The following HCN1 variants were observed in gnomAD, a reference collection of about 807,000 sequenced individuals.
HCN1 encodes hyperpolarization activated cyclic nucleotide gated potassium channel 1, also known as potassium/sodium hyperpolarization-activated cyclic nucleotide-gated channel 1.
HCN1 carries 13 observed loss-of-function variants against 78.9 expected under a neutral mutation model. That is an observed-to-expected ratio of 0.16 (90% CI 0.11 to 0.26). The LOEUF (loss-of-function observed/expected upper bound fraction) is 0.26, where lower values mean the gene tolerates loss of function less well. HCN1 is among the 10% of genes least tolerant of loss of function. The pLI is 1.00. For synonymous variants in HCN1, 552 were observed against 455.5 expected (o/e 1.21, Z -2.70); for missense variants, 810 against 1,154.3 (o/e 0.70, Z 4.32).
At chr5:45,690,645 GAAGAA>G (rs1739892027) in intron 1 of HCN1, among the ~76,000 whole-genome samples, 1 of 151,884 alleles carries the variant, frequency 6.6e-6, no homozygotes, top group South Asian at 2.1e-4. Context: ...ATTATTTTTA[GAAGAA>G]AAGTACTTAG....
intron 2 of HCN1, among the ~76,000 whole-genome samples, chr5:45,502,197 G>A (rs548209263): frequency 1.2e-3 from 187 of 151,992 alleles, no homozygotes; most frequent in African/African-American, 4.2e-3. Context: ...GCCGGGTGTC[G>A]TGGCTCACAT....
intron 5 of HCN1, among the ~76,000 whole-genome samples, chr5:45,304,057 A>G (rs1745678861): frequency 6.6e-6 from 1 of 152,138 alleles, no homozygotes; most frequent in Non-Finnish European, 1.5e-5. Flanking sequence ...TAGTATAGGA[A>G]TGTATTAAAT....
chr5:45,695,863 C>A lies in HCN1; in HGVS notation c.231G>T (p.Pro77=), dbSNP rs778391842. 3.8e-6 allele frequency: 6 copies of A among 1,580,774 alleles called. No individual in the cohort carries two copies. The highest frequency in any genetic ancestry group is 5.1e-6 in the Non-Finnish European group (6 of 1,169,790). The stretch of plus-strand genomic sequence containing the variant: ...CCTCGGCGTCTTCGAAGCCCCCCGC[C>A]GGCTCCTCGCCGCCGCCGCCGCCGC... ...GGGGGGGGEE[P]AGGFEDAEGP... The change falls in exon 1 of 8, where the codon CCG becomes CCT. Residue 77 remains proline, a synonymous_variant. Transcript: ENST00000303230.
At chr5:45,472,362 T>C (rs1026292679) in intron 2 of HCN1, among the ~76,000 whole-genome samples, 4 of 152,032 alleles carry the variant, frequency 2.6e-5, no homozygotes, top group African/African-American at 9.6e-5. Flanking sequence ...AAGTGTTTAA[T>C]GCATTGCTAT....
intron 4 of HCN1, among the ~76,000 whole-genome samples, chr5:45,383,783 T>C (rs1210263016): frequency 1.3e-5 from 2 of 151,982 alleles, no homozygotes; most frequent in East Asian, 3.9e-4. Context: ...CAAAAATAAC[T>C]TGGGTTATTT....
At chr5:45,443,986 A>G (rs1244517452) in intron 3 of HCN1, among the ~76,000 whole-genome samples, 1 of 152,166 alleles carries the variant, frequency 6.6e-6, no homozygotes, top group Admixed American at 6.5e-5. Context: ...CAAAGCAGCT[A>G]CACATAAGAA....
intron 2 of HCN1, among the ~76,000 whole-genome samples, chr5:45,550,207 T>C (rs905039126): frequency 1.3e-5 from 2 of 152,208 alleles, no homozygotes; most frequent in Admixed American, 6.5e-5. Flanking sequence ...CGTATGTTTA[T>C]TGCGGCACTA....
In HCN1 at chr5:45,356,115, C is replaced by T. The variant is rs78362015; in HGVS notation, c.1231-2869G>A. Among the ~76,000 whole-genome samples the T allele has an allele frequency of 4.8e-3, 736 of 152,014 alleles. 3 individuals are homozygous for T. The highest frequency in any genetic ancestry group is 0.017 in the African/African-American group (704 of 41,528). On this transcript the variant is annotated intron_variant, in intron 4 of 7. Coordinates refer to ENST00000303230, the MANE Select transcript of HCN1 (RefSeq NM_021072.4). Reference sequence around the variant, plus strand: ...AGACCGTGAAACAAACTAGATGTTACAAGTAATGTGTAAGTTGGCAAAGTC... The same window carrying T: ...AGACCGTGAAACAAACTAGATGTTATAAGTAATGTGTAAGTTGGCAAAGTC...
chr5:45,341,919 G>A (rs1053868665), intron 5 of HCN1, among the ~76,000 whole-genome samples: 1 of 152,098 alleles, frequency 6.6e-6, no homozygotes, highest in African/African-American at 2.4e-5. Context: ...TTTGATGGGA[G>A]ATCATTAGGC....
intron 6 of HCN1, among the ~76,000 whole-genome samples, chr5:45,282,786 T>C (rs775484043): frequency 2.6e-5 from 4 of 152,204 alleles, no homozygotes; most frequent in Non-Finnish European, 5.9e-5. Flanking sequence ...GTAATGCTCT[T>C]GGTCATTCTT....
chr5:45,448,053 A>G (rs370429927), intron 3 of HCN1, among the ~76,000 whole-genome samples: 7 of 151,976 alleles, frequency 4.6e-5, no homozygotes, highest in Admixed American at 6.6e-5. Context: ...CTTTTCCTAC[A>G]TAAGTTTTAT....
At chr5:45,633,592 C>A (rs1457079101) in intron 2 of HCN1, among the ~76,000 whole-genome samples, 1 of 151,892 alleles carries the variant, frequency 6.6e-6, no homozygotes, top group African/African-American at 2.4e-5. Flanking sequence ...AATTCCTCCA[C>A]AAAAATACAA....
intron 2 of HCN1, chr5:45,644,909 T>C (rs1024044947): frequency 3.0e-5 from 15 of 499,390 alleles, no homozygotes; most frequent in African/African-American, 2.0e-4. Flanking sequence ...GTTGTATTGA[T>C]CAAGATAATA....
chr5:45,419,015 T>G (rs1049711009), intron 3 of HCN1, among the ~76,000 whole-genome samples: 1 of 152,156 alleles, frequency 6.6e-6, no homozygotes, highest in African/African-American at 2.4e-5. Context: ...GCCCGCTTTG[T>G]GTTAGAAATC....
intron 2 of HCN1, among the ~76,000 whole-genome samples, chr5:45,507,624 C>T (rs1486498937): frequency 6.6e-6 from 1 of 152,060 alleles, no homozygotes; most frequent in Non-Finnish European, 1.5e-5. Flanking sequence ...AACATTGAAG[C>T]CTGCAAATTG....
rs187090226 is a variant in HCN1 at position 45,555,165 on chromosome 5, A to C, written c.849+90020T>G. Among the ~76,000 whole-genome samples, 6 of 152,004 alleles carry C rather than the reference A, an allele frequency of 3.9e-5. No homozygotes were observed. The East Asian group carries it at 1.2e-3, about 29-fold the overall frequency. The stretch of plus-strand genomic sequence containing the variant: ...GAGAAACCTAAAGACTCCACCAAAA[A>C]ACTAGCAGAACTGATAATTTCAGTA... On this transcript the variant is annotated intron_variant, in intron 2 of 7. Coordinates refer to ENST00000303230, the MANE Select transcript of HCN1 (RefSeq NM_021072.4).
intron 2 of HCN1, among the ~76,000 whole-genome samples, chr5:45,603,325 G>T (rs1415722727): frequency 1.3e-5 from 2 of 151,926 alleles, no homozygotes; most frequent in Non-Finnish European, 2.9e-5. Context: ...TAGAACAATT[G>T]CCAGTATGTT....
chr5:45,668,378 C>G (rs904650106), intron 1 of HCN1, among the ~76,000 whole-genome samples: 1 of 151,648 alleles, frequency 6.6e-6, no homozygotes, highest in African/African-American at 2.4e-5. Context: ...AGTGTAGCAC[C>G]TCCTCCCTCA....
chr5:45,347,600 G>T (rs1746775363), intron 5 of HCN1, among the ~76,000 whole-genome samples: 1 of 152,144 alleles, frequency 6.6e-6, no homozygotes, highest in East Asian at 1.9e-4. Flanking sequence ...CAAAGGCAAA[G>T]AAGTTGAAAA....
Sources: allele counts gnomAD v4.1 joint callset (sites outside exome capture counted in the v4.1 genomes callset), GRCh38; gene constraint gnomAD v4.1.1; transcripts MANE v1.5; gene names NCBI Gene and HGNC (gene_info 2026-07-23, HGNC 2026-07-21).